Variants in GREB1 observed in about 807,000 individuals in gnomAD.
GREB1 encodes protein GREB1.
In GREB1, 106 loss-of-function variants were observed where a neutral mutation model predicts 200.7. The ratio of observed to expected loss-of-function variants is 0.53; its 90% CI spans 0.45 to 0.62. The LOEUF is 0.62. Ranked by LOEUF, GREB1 falls within the 20% of genes least tolerant of loss-of-function variation. The probability of loss-of-function intolerance (pLI) is 0.00; values close to 1 mark genes in which losing one functional copy is unlikely to be tolerated. For synonymous variants in GREB1, 1,132 were observed against 1,092.4 expected (o/e 1.04, Z -0.72); for missense variants, 2,243 against 2,556.8 (o/e 0.88, Z 2.65).
At chr2:11,535,384 C>CTTAT (rs113410274) in intron 1 of GREB1, among the ~76,000 whole-genome samples, 58 of 151,358 alleles carry the variant, frequency 3.8e-4, no homozygotes, top group South Asian at 4.2e-4. Flanking sequence ...CCTCACCCCA[C>CTTAT]TTATTTATTT....
intron 17 of GREB1, among the ~76,000 whole-genome samples, chr2:11,608,569 C>T (rs1572904525): frequency 1.3e-5 from 2 of 152,282 alleles, no homozygotes; most frequent in South Asian, 4.2e-4. Context: ...TTAATCCTTC[C>T]AGGTCTTGGT....
chr2:11,560,980 C>A (rs1676962725), intron 2 of GREB1, among the ~76,000 whole-genome samples: 1 of 152,174 alleles, frequency 6.6e-6, no homozygotes, highest in African/African-American at 2.4e-5. Flanking sequence ...AACACACAGT[C>A]ATAATTAGCT....
chr2:11,515,108 T>TTCA (rs1673452482), intron 1 of GREB1, among the ~76,000 whole-genome samples: 1 of 142,950 alleles, frequency 7.0e-6, no homozygotes, highest in Non-Finnish European at 1.5e-5. Context: ...CTATCCATCC[T>TTCA]TCCATCCATC....
In GREB1 at chr2:11,597,290, A is replaced by ATTTAATCT. The variant is rs1248637317; in HGVS notation, c.1955-489_1955-482dup. Among the ~76,000 whole-genome samples, 1 of 152,074 alleles carries ATTTAATCT rather than the reference A, an allele frequency of 6.6e-6. No homozygotes were observed. The highest frequency in any genetic ancestry group is 2.4e-5 in the African/African-American group (1 of 41,378). ...TTCAGTCTTTAATTATGACAATCTCATTTAATCTTGAATTGCACATCCATC... is the reference window on the plus strand; with the variant it reads ...TTCAGTCTTTAATTATGACAATCTCATTTAATCTTTTAATCTTGAATTGCACATCCATC... On this transcript the variant is annotated intron_variant, in intron 13 of 32. Coordinates refer to ENST00000381486, the MANE Select transcript of GREB1 (RefSeq NM_014668.4). This position sits in a 1 kb window ranked among gnomAD's most constrained non-coding sequence, Gnocchi z 4.1.
Position 11,585,249 on chromosome 2 carries a change from A to G in GREB1, c.990A>G (p.Gln330=), listed in dbSNP as rs1572817471. The part of the protein sequence containing the change: ...SPSAPDGGCP[Q]GGGNRAKYES... Reference sequence around the variant, plus strand: ...CAGCTCCAGATGGTGGCTGCCCCCAAGGTGGTGGGAACAGAGCTAAGTATG... The same window carrying G: ...CAGCTCCAGATGGTGGCTGCCCCCAGGGTGGTGGGAACAGAGCTAAGTATG... Residue 330 remains glutamine (Q), a synonymous_variant, in exon 8 of 33, where the codon CAA becomes CAG. Coordinates refer to ENST00000381486, the MANE Select transcript of GREB1 (RefSeq NM_014668.4). 6.4e-7 allele frequency: 1 copy of G among 1,567,414 alleles called. No individual in the cohort carries two copies. Among genetic ancestry groups the G allele is most frequent in the Non-Finnish European group, 8.6e-7 (1 of 1,158,948 alleles).
At chr2:11,587,739 A>ACACACACGCG in intron 9 of GREB1, 2 of 697,906 alleles carry the variant, frequency 2.9e-6, no homozygotes, top group Non-Finnish European at 3.6e-6. Flanking sequence ...ACACACACAC[A>ACACACACGCG]CACGCCACCT....
At chr2:11,598,975 T>A in intron 15 of GREB1, 115 bp downstream of exon 15, 1 of 898,260 alleles carries the variant, frequency 1.1e-6, no homozygotes, top group Admixed American at 2.0e-5. Context: ...TGTTTGGGCT[T>A]GGTGTTTCTA....
At position 11,547,713 on chromosome 2, in the gene GREB1, G is replaced by A. The variant is rs145369359; in HGVS notation, c.-161-8741G>A. On this transcript the variant is annotated intron_variant, in intron 1 of 32. Coordinates refer to ENST00000381486, the MANE Select transcript of GREB1 (RefSeq NM_014668.4). ...TAGAGACAACCATTTTTAAATTGAC[G>A]AAATTTAAAACCATTTTTAAATTCT... 2.0e-3 allele frequency among the ~76,000 whole-genome samples: 306 copies of A among 152,082 alleles called. 1 individual carries two copies. Among genetic ancestry groups the A allele is most frequent in the African/African-American group, 6.0e-3 (251 of 41,494 alleles).
rs953599755 is a variant in GREB1 at position 11,492,999 on chromosome 2, G to A, written c.-159+10618G>A. 1.3e-5 allele frequency among the ~76,000 whole-genome samples: 2 copies of A among 152,230 alleles called. No homozygotes were observed. The highest frequency in any genetic ancestry group is 2.4e-5 in the African/African-American group (1 of 41,464). ...TGGAGATATCCTGTCAGGAAGCAGA[G>A]CCCAAGTCCCAGGAAGGGCTGATGG... On this transcript the variant is annotated intron_variant, in intron 1 of 2. Transcript: ENST00000628795. This position sits in a 1 kb window ranked among gnomAD's most constrained non-coding sequence, Gnocchi z 4.0.
intron 1 of GREB1, among the ~76,000 whole-genome samples, chr2:11,518,429 C>T (rs992033953): frequency 6.6e-5 from 10 of 151,666 alleles, no homozygotes; most frequent in African/African-American, 2.4e-4. Flanking sequence ...GTATCTCAGA[C>T]ACTGAGTTTT....
intron 1 of GREB1, among the ~76,000 whole-genome samples, chr2:11,516,713 G>T (rs1673517604): frequency 6.6e-6 from 1 of 152,192 alleles, no homozygotes; most frequent in African/African-American, 2.4e-5. Flanking sequence ...CTGACTCCCT[G>T]CAGGATAGAC....
At chr2:11,558,373 A>G (rs1230305329) in intron 2 of GREB1, among the ~76,000 whole-genome samples, 1 of 152,214 alleles carries the variant, frequency 6.6e-6, no homozygotes, top group East Asian at 1.9e-4. Context: ...CCGACAGCTC[A>G]GGGTGCCCTT....
intron 1 of GREB1, among the ~76,000 whole-genome samples, chr2:11,512,647 C>T (rs1367889613): frequency 6.6e-6 from 1 of 152,170 alleles, no homozygotes; most frequent in African/African-American, 2.4e-5. Context: ...GCTCCACACC[C>T]CACCAGCTAG....
chr2:11,562,352 A>T (rs972756550), intron 2 of GREB1, 111 bp from the exon 3 acceptor site: 1 of 1,439,074 alleles, frequency 6.9e-7, no homozygotes. Context: ...GATTAGTCCC[A>T]TAGGTCCTGG....
At chr2:11,589,919 C>T (rs560290626) in intron 10 of GREB1, among the ~76,000 whole-genome samples, 2 of 152,230 alleles carry the variant, frequency 1.3e-5, no homozygotes, top group East Asian at 1.9e-4. Flanking sequence ...ACAGTCAAGT[C>T]GCCTGTGTTC....
At chr2:11,502,313 C>T (rs1474405726) in intron 1 of GREB1, among the ~76,000 whole-genome samples, 4 of 151,132 alleles carry the variant, frequency 2.6e-5, no homozygotes, top group Non-Finnish European at 4.4e-5. Flanking sequence ...CTCGACTTCC[C>T]TGGCTCAAGC....
At chr2:11,614,562 G>T (rs1353174099) in intron 19 of GREB1, among the ~76,000 whole-genome samples, 1 of 151,886 alleles carries the variant, frequency 6.6e-6, no homozygotes, top group East Asian at 1.9e-4. Flanking sequence ...TGTTGTTGTT[G>T]TTGTTGTTTG....
rs1045645915 is a variant in GREB1 at position 11,631,959 on chromosome 2, C to T, written c.4662C>T (p.His1554=). 26 of 1,614,020 alleles carry T rather than the reference C, an allele frequency of 1.6e-5. No individual in the cohort carries two copies. Among genetic ancestry groups the T allele is most frequent in the East Asian group, 2.2e-5 (1 of 44,896 alleles). Reference sequence around the variant, plus strand: ...CATTCACTCCAACCACCGGCCGTCACGAACATGGGCTCTTTAATCTGTACC... The same window carrying T: ...CATTCACTCCAACCACCGGCCGTCATGAACATGGGCTCTTTAATCTGTACC... ...SPTFTPTTGR[H]EHGLFNLYHA... Residue 1554 remains histidine, a synonymous_variant, in exon 27 of 33, where the codon CAC becomes CAT. Transcript: ENST00000381486.
At chr2:11,585,643 C>A in intron 8 of GREB1, 119 bp from the exon 9 acceptor site, 2 of 1,055,422 alleles carry the variant, frequency 1.9e-6, no homozygotes, top group Non-Finnish European at 2.8e-6. Context: ...GAGTTTGGTG[C>A]TCCTGTAATC....
Sources: allele counts gnomAD v4.1 joint callset (sites outside exome capture counted in the v4.1 genomes callset), GRCh38; gene constraint gnomAD v4.1.1; non-coding constraint Gnocchi (gnomAD v3.1); transcripts MANE v1.5; gene names NCBI Gene and HGNC (gene_info 2026-07-23, HGNC 2026-07-21).